Variants in PALM2AKAP2 observed in about 807,000 individuals in gnomAD.
The protein encoded by PALM2AKAP2 is PALM2-AKAP2 fusion protein.
PALM2AKAP2 carries 37 observed loss-of-function variants against 71.5 expected under a neutral mutation model. That is an observed-to-expected ratio of 0.52 (90% CI 0.40 to 0.68). The LOEUF (loss-of-function observed/expected upper bound fraction) is 0.68. PALM2AKAP2 is among the 30% of genes least tolerant of loss of function. PALM2AKAP2 has a pLI of 0.00. For missense variants in PALM2AKAP2, 1,224 were observed against 1,191.8 expected (o/e 1.03, Z -0.40); for synonymous variants, 468 against 478.8 (o/e 0.98, Z 0.29).
intron 1 of PALM2AKAP2, among the ~76,000 whole-genome samples, chr9:109,743,404 A>G (rs1169946436): frequency 6.6e-6 from 1 of 152,174 alleles, no homozygotes; most frequent in African/African-American, 2.4e-5. Context: ...ATTAGAATTT[A>G]GAGTTAGGTT....
chr9:109,850,052 G>A (rs1032438815), intron 1 of PALM2AKAP2, among the ~76,000 whole-genome samples: 2 of 152,232 alleles, frequency 1.3e-5, no homozygotes, highest in South Asian at 2.1e-4. Flanking sequence ...TGGGTTTCAC[G>A]GGCCCTCAGT....
intron 1 of PALM2AKAP2, among the ~76,000 whole-genome samples, chr9:109,833,297 G>A (rs886644561): frequency 3.9e-5 from 6 of 152,238 alleles, no homozygotes; most frequent in African/African-American, 1.2e-4. Context: ...GGAAGTTGCA[G>A]TAAGCCGGGA....
intron 7 of PALM2AKAP2, among the ~76,000 whole-genome samples, chr9:110,033,266 G>A (rs1833319800): frequency 6.6e-6 from 1 of 152,190 alleles, no homozygotes. Context: ...AAAAGACACA[G>A]CAAATCTTTT....
intron 1 of PALM2AKAP2, among the ~76,000 whole-genome samples, chr9:109,710,193 C>T (rs1362549230): frequency 6.6e-6 from 1 of 152,218 alleles, no homozygotes; most frequent in Non-Finnish European, 1.5e-5. Context: ...GGACTTCTGG[C>T]CTCCAGAACT....
At chr9:110,026,566 C>T (rs1833185432) in intron 7 of PALM2AKAP2, among the ~76,000 whole-genome samples, 1 of 152,100 alleles carries the variant, frequency 6.6e-6, no homozygotes, top group Non-Finnish European at 1.5e-5. Flanking sequence ...CATCGTCATC[C>T]ATCCTTCTCC....
At chr9:109,701,716 A>G (rs1828062421) in intron 1 of PALM2AKAP2, among the ~76,000 whole-genome samples, 1 of 152,218 alleles carries the variant, frequency 6.6e-6, no homozygotes, top group Non-Finnish European at 1.5e-5. Context: ...ACCAAAAGCA[A>G]TGGCAACAAA....
intron 6 of PALM2AKAP2, among the ~76,000 whole-genome samples, chr9:109,982,318 G>A (rs1176726463): frequency 6.6e-6 from 1 of 152,122 alleles, no homozygotes; most frequent in Non-Finnish European, 1.5e-5. Flanking sequence ...TAGTGGGGAG[G>A]GGGAAGTGGG....
chr9:110,037,194 A>T (rs367720987), intron 7 of PALM2AKAP2, among the ~76,000 whole-genome samples: 1 of 151,444 alleles, frequency 6.6e-6, no homozygotes, highest in African/African-American at 2.4e-5. Flanking sequence ...TTTCCAACAA[A>T]TATTTTTTGT....
intron 1 of PALM2AKAP2, among the ~76,000 whole-genome samples, chr9:109,677,128 G>T (rs898903842): frequency 1.7e-4 from 26 of 152,168 alleles, no homozygotes; most frequent in African/African-American, 6.3e-4. Context: ...TTGTGAGAAA[G>T]ACTTGAATAC....
upstream of PALM2AKAP2, among the ~76,000 whole-genome samples, chr9:109,778,506 A>G (rs1176921754): frequency 1.3e-5 from 2 of 152,270 alleles, no homozygotes. Context: ...GCCAGAAAGT[A>G]GAAGTTTCTG....
chr9:109,686,777 C>T (rs766362255), intron 1 of PALM2AKAP2, among the ~76,000 whole-genome samples: 22 of 151,884 alleles, frequency 1.4e-4, no homozygotes, highest in Admixed American at 3.3e-4. Flanking sequence ...GCTGCACCCA[C>T]TAACTCCTCA....
At chr9:110,084,383 CT>C (rs1387979077) in intron 1 of PALM2AKAP2, among the ~76,000 whole-genome samples, 2 of 152,162 alleles carry the variant, frequency 1.3e-5, no homozygotes, top group Admixed American at 1.3e-4. Context: ...AATTATCATT[CT>C]CCATATTGAG....
intron 7 of PALM2AKAP2, among the ~76,000 whole-genome samples, chr9:110,016,430 C>T (rs1445520603): frequency 6.6e-6 from 1 of 152,072 alleles, no homozygotes; most frequent in African/African-American, 2.4e-5. Context: ...GAATTCAGGC[C>T]CCACTGTGCA....
chr9:109,707,267 G>T (rs1267179718), intron 1 of PALM2AKAP2, among the ~76,000 whole-genome samples: 1 of 151,688 alleles, frequency 6.6e-6, no homozygotes, highest in East Asian at 1.9e-4. Context: ...TTAGAGAACT[G>T]CCCCCCTACC....
intron 1 of PALM2AKAP2, among the ~76,000 whole-genome samples, chr9:109,850,232 T>A (rs1828973431): frequency 6.6e-6 from 1 of 152,190 alleles, no homozygotes; most frequent in Admixed American, 6.5e-5. Context: ...TCTCACCAGG[T>A]GTCATTCATG....
At chr9:109,884,387 G>A (rs554888117) in intron 3 of PALM2AKAP2, among the ~76,000 whole-genome samples, 2 of 152,128 alleles carry the variant, frequency 1.3e-5, no homozygotes, top group Non-Finnish European at 2.9e-5. Flanking sequence ...GCTTGAACCC[G>A]GGAAGCGGAG....
intron 1 of PALM2AKAP2, among the ~76,000 whole-genome samples, chr9:110,053,876 GC>G (rs1483514514): frequency 6.6e-6 from 1 of 152,200 alleles, no homozygotes; most frequent in Non-Finnish European, 1.5e-5. Context: ...ACTGGGGAAG[GC>G]CACTATGCTT....
intron 1 of PALM2AKAP2, among the ~76,000 whole-genome samples, chr9:109,691,802 T>A (rs1321685398): frequency 1.5e-5 from 2 of 135,652 alleles, no homozygotes; most frequent in Non-Finnish European, 3.1e-5. Context: ...AGAATTAACA[T>A]CTTAATATCA....
chr9:109,662,101 G>A (rs996470768), intron 1 of PALM2AKAP2, among the ~76,000 whole-genome samples: 2 of 152,136 alleles, frequency 1.3e-5, no homozygotes, highest in Admixed American at 6.6e-5. Flanking sequence ...ATACAATCAT[G>A]TCATCTGCAA....
Sources: gnomAD v4.1 joint callset for allele counts (sites outside exome capture counted in the v4.1 genomes callset) on GRCh38, gnomAD v4.1.1 for gene constraint, MANE v1.5 for transcripts, NCBI Gene and HGNC (gene_info 2026-07-23, HGNC 2026-07-21) for gene names.